Variants in IMMP2L observed in about 807,000 individuals in gnomAD.
IMMP2L encodes mitochondrial inner membrane protease subunit 2.
Under a neutral mutation model 19.3 loss-of-function variants are expected in IMMP2L, and 18 were observed. The observed-to-expected ratio is 0.93, with a 90% CI of 0.64 to 1.38. IMMP2L has a LOEUF of 1.38. IMMP2L is among the 40% of genes most tolerant of loss of function. The probability of loss-of-function intolerance (pLI) is 0.00; values close to 1 mark genes in which losing one functional copy is unlikely to be tolerated. For synonymous variants in IMMP2L, 76 were observed against 73.0 expected, an observed-to-expected ratio of 1.04 and a Z score of -0.21; for missense variants, 233 against 218.2, an observed-to-expected ratio of 1.07 and a Z score of -0.43.
intron 3 of IMMP2L, among the ~76,000 whole-genome samples, chr7:111,403,316 C>A (rs1490657418): frequency 6.6e-6 from 1 of 151,874 alleles, no homozygotes; most frequent in African/African-American, 2.4e-5. Context: ...TGCCTTCCAC[C>A]ATGATTGTAA....
chr7:110,805,055 T>C (rs1366325425), intron 5 of IMMP2L, among the ~76,000 whole-genome samples: 1 of 152,138 alleles, frequency 6.6e-6, no homozygotes, highest in Non-Finnish European at 1.5e-5. Context: ...TTGACTTTAA[T>C]ATTACCATAG....
intron 4 of IMMP2L, among the ~76,000 whole-genome samples, chr7:110,955,426 T>C (rs1818266833): frequency 6.6e-6 from 1 of 151,892 alleles, no homozygotes; most frequent in Non-Finnish European, 1.5e-5. Flanking sequence ...ATGGCTCTTA[T>C]TTGGTGACAA....
At chr7:111,439,200 G>A (rs561414133) in intron 3 of IMMP2L, among the ~76,000 whole-genome samples, 4 of 151,820 alleles carry the variant, frequency 2.6e-5, no homozygotes, top group South Asian at 2.1e-4. Context: ...TCTACTCCAC[G>A]GCTAATCCCT....
chr7:111,350,785 G>C (rs1828069388), intron 3 of IMMP2L, among the ~76,000 whole-genome samples: 1 of 152,034 alleles, frequency 6.6e-6, no homozygotes, highest in African/African-American at 2.4e-5. Flanking sequence ...TGAGGACTTT[G>C]ACCTCTCATC....
At position 110,803,711 on chromosome 7, in the gene IMMP2L, C is replaced by G. The variant is rs1175792641; in HGVS notation, c.408+82882G>C. On this transcript the variant is annotated intron_variant, in intron 5 of 5. Coordinates refer to ENST00000405709, the MANE Select transcript of IMMP2L (RefSeq NM_032549.4). The surrounding 1 kb of genome is among the most constrained non-coding windows in gnomAD (Gnocchi z 4.2). ...CCAAGGGCAAGTCCTGATGGGCTGACAGGCTATCCCCTGGGAGCACTCCCA... is the reference window on the plus strand; with the variant it reads ...CCAAGGGCAAGTCCTGATGGGCTGAGAGGCTATCCCCTGGGAGCACTCCCA... Among the ~76,000 whole-genome samples the G allele has an allele frequency of 6.6e-6, 1 of 152,052 alleles. No homozygotes were observed. The highest frequency in any genetic ancestry group is 1.5e-5 in the Non-Finnish European group (1 of 67,986).
intron 3 of IMMP2L, among the ~76,000 whole-genome samples, chr7:111,249,846 A>G (rs904632519): frequency 6.6e-6 from 1 of 152,072 alleles, no homozygotes; most frequent in African/African-American, 2.4e-5. Context: ...CTTTGAAAAC[A>G]AGACAAGGAT....
At chr7:110,913,664 G>A (rs145137104) in intron 4 of IMMP2L, among the ~76,000 whole-genome samples, 1 of 152,236 alleles carries the variant, frequency 6.6e-6, no homozygotes, top group East Asian at 1.9e-4. Flanking sequence ...AAGGCAACTT[G>A]CTAAGTAATG....
intron 3 of IMMP2L, among the ~76,000 whole-genome samples, chr7:110,986,144 C>T (rs1821824872): frequency 6.6e-6 from 1 of 152,128 alleles, no homozygotes; most frequent in Non-Finnish European, 1.5e-5. Context: ...GCTCTAACTT[C>T]TGTCATACAG....
intron 3 of IMMP2L, among the ~76,000 whole-genome samples, chr7:111,436,166 G>A (rs1837147823): frequency 6.6e-6 from 1 of 151,574 alleles, no homozygotes. Flanking sequence ...GCGGAGGCTG[G>A]ACAGGAGAAC....
At chr7:110,814,909 T>C (rs763608169) in intron 5 of IMMP2L, among the ~76,000 whole-genome samples, 4 of 151,976 alleles carry the variant, frequency 2.6e-5, no homozygotes, top group Non-Finnish European at 2.9e-5. Context: ...AGGGACCATG[T>C]AGGTTTCAAA....
chr7:111,411,090 T>TAAAAAAAA (rs536367628), intron 3 of IMMP2L, among the ~76,000 whole-genome samples: 1 of 78,872 alleles, frequency 1.3e-5, no homozygotes, highest in Non-Finnish European at 2.8e-5. Flanking sequence ...ATCAAATTGC[T>TAAAAAAAA]AAAAAAAAAA....
chr7:111,233,795 CCAA>C (rs1236755205), intron 3 of IMMP2L, among the ~76,000 whole-genome samples: 1 of 151,914 alleles, frequency 6.6e-6, no homozygotes, highest in Non-Finnish European at 1.5e-5. Flanking sequence ...TAAAAACTTA[CCAA>C]CAATAGTCTA....
At chr7:111,122,688 C>T in intron 3 of IMMP2L, 2 of 1,049,116 alleles carry the variant, frequency 1.9e-6, no homozygotes, top group South Asian at 3.2e-5. Context: ...AAGCATCTTC[C>T]TTATCAATCA....
chr7:111,475,832 A>G (rs1238506629), intron 3 of IMMP2L, among the ~76,000 whole-genome samples: 1 of 152,128 alleles, frequency 6.6e-6, no homozygotes. Flanking sequence ...TACAGACATA[A>G]TCTTTATAAG....
At chr7:110,830,939 T>C (rs185183297) in intron 5 of IMMP2L, among the ~76,000 whole-genome samples, 1 of 152,274 alleles carries the variant, frequency 6.6e-6, no homozygotes, top group Admixed American at 6.5e-5. Flanking sequence ...CTCAAGTCTA[T>C]TACCTCACAG....
At chr7:111,487,404 C>CACTT (rs917440933) in intron 2 of IMMP2L, 63 bp from the exon 3 acceptor site, 1 of 926,274 alleles carries the variant, frequency 1.1e-6, no homozygotes, top group East Asian at 2.4e-5. Context: ...ATGGTTCTTG[C>CACTT]ACTTCACAGC....
intron 3 of IMMP2L, among the ~76,000 whole-genome samples, chr7:110,985,974 G>C (rs1363441720): frequency 6.6e-6 from 1 of 151,978 alleles, no homozygotes; most frequent in East Asian, 1.9e-4. Context: ...AGCTCACTAG[G>C]AATACAAAAT....
chr7:111,481,947 C>T (rs1321610980), intron 3 of IMMP2L, among the ~76,000 whole-genome samples: 1 of 152,214 alleles, frequency 6.6e-6, no homozygotes, highest in East Asian at 1.9e-4. Flanking sequence ...GTCCCAGCCA[C>T]TCAGGAGGCT....
At chr7:111,319,921 AT>A (rs1824504221) in intron 3 of IMMP2L, among the ~76,000 whole-genome samples, 1 of 151,558 alleles carries the variant, frequency 6.6e-6, no homozygotes, top group Admixed American at 6.6e-5. Context: ...AATTATTTCT[AT>A]TTTTCTCTTT....
Sources: gnomAD v4.1 joint callset for allele counts (sites outside exome capture counted in the v4.1 genomes callset) on GRCh38, gnomAD v4.1.1 for gene constraint, Gnocchi (gnomAD v3.1) non-coding constraint, MANE v1.5 for transcripts, NCBI Gene and HGNC (gene_info 2026-07-23, HGNC 2026-07-21) for gene names.